The following TAOK3 variants were observed in gnomAD, a reference collection of about 807,000 sequenced individuals.
TAOK3 encodes the protein TAO kinase 3, also known as serine/threonine-protein kinase TAO3.
A neutral mutation model predicts 120.4 loss-of-function variants in TAOK3; 40 were observed. That is an observed-to-expected ratio of 0.33 (90% CI 0.26 to 0.43). TAOK3 has a LOEUF of 0.43. TAOK3 is among the 20% of genes least tolerant of loss of function. TAOK3 has a pLI of 1.00. For synonymous variants in TAOK3, 355 were observed against 387.5 expected (o/e 0.92, Z 0.99); for missense variants, 821 against 1,112.1 (o/e 0.74, Z 3.72).
intron 19 of TAOK3, among the ~76,000 whole-genome samples, chr12:118,155,008 T>A (rs535446438): frequency 0.023 from 3,516 of 151,936 alleles, 131 homozygotes; most frequent in African/African-American, 0.079. Flanking sequence ...TATATATATT[T>A]TTTTTTGAGA....
chr12:118,216,133 G>A (rs984606022), intron 9 of TAOK3, among the ~76,000 whole-genome samples: 1 of 152,138 alleles, frequency 6.6e-6, no homozygotes, highest in Non-Finnish European at 1.5e-5. Flanking sequence ...AGGAGGTGGA[G>A]GTTTCAGTGG....
At chr12:118,257,513 A>G (rs1393683345) in intron 2 of TAOK3, among the ~76,000 whole-genome samples, 1 of 152,106 alleles carries the variant, frequency 6.6e-6, no homozygotes, top group East Asian at 1.9e-4. Flanking sequence ...CCTCATACCC[A>G]GATAATCATT....
At chr12:118,286,659 G>C (rs1011009299) in intron 1 of TAOK3, among the ~76,000 whole-genome samples, 19 of 152,220 alleles carry the variant, frequency 1.2e-4, no homozygotes, top group African/African-American at 4.6e-4. Context: ...AAAACAGTGT[G>C]GAGATTCCTT....
At chr12:118,324,512 C>T (rs956612046) in intron 1 of TAOK3, among the ~76,000 whole-genome samples, 6 of 151,914 alleles carry the variant, frequency 3.9e-5, no homozygotes, top group Non-Finnish European at 8.8e-5. Context: ...TACCTATTAA[C>T]CAACCATGCC....
chr12:118,162,016 T>G lies in TAOK3; in HGVS notation c.1911A>C (p.Lys637Asn). The change falls in exon 18 of 21, where the codon AAA (lysine) becomes AAC (asparagine). Residue 637 changes from lysine (K) to asparagine (N), a missense_variant. Physicochemically the swap from Lys to Asn is moderately conservative, Grantham distance 94. Coordinates refer to ENST00000392533, the MANE Select transcript of TAOK3 (RefSeq NM_016281.4). The stretch of plus-strand genomic sequence containing the variant: ...GCTCCATCTCCTTCTGGGTCCTCTT[T>G]TTATTTAGTTCCTGCGTCCAGGAAC... The part of the protein sequence containing the change: ...EQQNIREELN[K>N]KRTQKEMEHA... The G allele has an allele frequency of 1.2e-6, 2 of 1,613,340 alleles. No individual in the cohort carries two copies. The highest frequency in any genetic ancestry group is 1.7e-6 in the Non-Finnish European group (2 of 1,179,414).
intron 14 of TAOK3, among the ~76,000 whole-genome samples, chr12:118,183,712 A>AT (rs1252131194): frequency 6.6e-6 from 1 of 152,144 alleles, no homozygotes; most frequent in Non-Finnish European, 1.5e-5. Flanking sequence ...GAATTCAACT[A>AT]TTTTTCAGAA....
intron 5 of TAOK3, among the ~76,000 whole-genome samples, chr12:118,240,405 C>T (rs965894484): frequency 1.3e-5 from 2 of 152,128 alleles, no homozygotes; most frequent in African/African-American, 4.8e-5. Flanking sequence ...TCTCAAACTC[C>T]TGACCTCAGG....
chr12:118,258,640 A>T (rs796985116), intron 2 of TAOK3, among the ~76,000 whole-genome samples: 14 of 151,638 alleles, frequency 9.2e-5, no homozygotes, highest in African/African-American at 3.4e-4. Flanking sequence ...TGAATCTGGG[A>T]GGCGGAGGTT....
intron 11 of TAOK3, among the ~76,000 whole-genome samples, chr12:118,211,760 C>A (rs1210697365): frequency 6.6e-6 from 1 of 151,980 alleles, no homozygotes. Flanking sequence ...GGATTATAGG[C>A]GTGAGCCACC....
intron 1 of TAOK3, among the ~76,000 whole-genome samples, chr12:118,343,715 T>TA (rs1407419442): frequency 2.6e-5 from 4 of 152,058 alleles, no homozygotes; most frequent in East Asian, 1.9e-4. Context: ...ATGAGTCTTA[T>TA]AAAAAATCCA....
At chr12:118,329,962 C>T (rs1299362001) in intron 1 of TAOK3, among the ~76,000 whole-genome samples, 3 of 152,068 alleles carry the variant, frequency 2.0e-5, no homozygotes, top group Non-Finnish European at 2.9e-5. Flanking sequence ...GATAATATAC[C>T]ATCAATCTTT....
intron 2 of TAOK3, among the ~76,000 whole-genome samples, chr12:118,265,785 G>A (rs555264962): frequency 6.6e-6 from 1 of 152,136 alleles, no homozygotes; most frequent in South Asian, 2.1e-4. Context: ...ATTAGGGAAC[G>A]TACAGAAGGA....
At chr12:118,357,028 C>T (rs967061465) in intron 1 of TAOK3, among the ~76,000 whole-genome samples, 4 of 152,222 alleles carry the variant, frequency 2.6e-5, no homozygotes, top group Non-Finnish European at 4.4e-5. Flanking sequence ...ACCCGAGCAA[C>T]TTGCATAACT....
At chr12:118,358,965 C>T (rs1386361333) in intron 1 of TAOK3, 1 of 152,116 alleles carries the variant, frequency 6.6e-6, no homozygotes. Context: ...GTTCAACATA[C>T]TAAAGACTTT....
chr12:118,243,979 T>G (rs1476507273), intron 4 of TAOK3, among the ~76,000 whole-genome samples: 1 of 152,000 alleles, frequency 6.6e-6, no homozygotes, highest in African/African-American at 2.4e-5. Context: ...GTGCCCGGCC[T>G]AAACATGCCA....
intron 8 of TAOK3, among the ~76,000 whole-genome samples, chr12:118,234,946 G>A (rs1371626456): frequency 6.6e-6 from 1 of 152,128 alleles, no homozygotes; most frequent in African/African-American, 2.4e-5. Flanking sequence ...CTTAGTAAAT[G>A]TTATTTGGTG....
At chr12:118,203,330 C>G (rs1157358992) in intron 11 of TAOK3, among the ~76,000 whole-genome samples, 1 of 152,020 alleles carries the variant, frequency 6.6e-6, no homozygotes, top group Non-Finnish European at 1.5e-5. Flanking sequence ...ATAAACATCC[C>G]TCACTTTCAA....
chr12:118,278,049 A>G (rs2041965237), intron 1 of TAOK3, among the ~76,000 whole-genome samples: 1 of 152,116 alleles, frequency 6.6e-6, no homozygotes, highest in South Asian at 2.1e-4. Context: ...TTTGGGAACC[A>G]CTGAGCAAGT....
In TAOK3 at chr12:118,150,604, T is replaced by C. The variant is rs1449724577; in HGVS notation, c.*393A>G. ...TCCCCCTTGGCATTTATTATTATTA[T>C]TTTTTGCTTTACTTTCACAGATTGG... On this transcript the variant is annotated 3_prime_UTR_variant, in exon 21 of 21. Coordinates refer to ENST00000392533, the MANE Select transcript of TAOK3 (RefSeq NM_016281.4). 6.4e-6 allele frequency: 1 copy of C among 156,344 alleles called. No homozygotes were observed. Among genetic ancestry groups the C allele is most frequent in the African/African-American group, 2.4e-5 (1 of 41,580 alleles). The allele number at this position is 156,344 out of a possible 1,614,324, so 9.7% of individuals were successfully genotyped here.
Sources: allele counts gnomAD v4.1 joint callset (sites outside exome capture counted in the v4.1 genomes callset), GRCh38; gene constraint gnomAD v4.1.1; transcripts MANE v1.5; gene names NCBI Gene and HGNC (gene_info 2026-07-23, HGNC 2026-07-21).